RNF125: variants seen among roughly 807,000 people sequenced by gnomAD.
The protein encoded by RNF125 is E3 ubiquitin-protein ligase RNF125.
RNF125 carries 21 observed loss-of-function variants against 26.0 expected under a neutral mutation model. The observed-to-expected ratio is 0.81, with a 90% CI of 0.57 to 1.16. The LOEUF is 1.16. Ranked by LOEUF, RNF125 falls within the 50% of genes most tolerant of loss-of-function variation. The pLI is 0.00. For missense variants in RNF125, 270 were observed against 299.4 expected (o/e 0.90, Z 0.72); for synonymous variants, 95 against 109.2 (o/e 0.87, Z 0.81).
At chr18:32,021,380 G>A (rs1343203767) in intron 1 of RNF125, among the ~76,000 whole-genome samples, 1 of 152,158 alleles carries the variant, frequency 6.6e-6, no homozygotes, top group Non-Finnish European at 1.5e-5. Context: ...GAGCCCGGCC[G>A]TAGCTGTATT....
chr18:32,080,180 C>T, the RNF125 span, among the ~76,000 whole-genome samples: 2 of 152,300 alleles, frequency 1.3e-5, no homozygotes, highest in Non-Finnish European at 2.9e-5. Context: ...AGGCACGCGC[C>T]ACCACGCCCA....
chr18:32,081,958 A>C, the RNF125 span, among the ~76,000 whole-genome samples: 1 of 152,202 alleles, frequency 6.6e-6, no homozygotes, highest in African/African-American at 2.4e-5. Flanking sequence ...TGATGGACTG[A>C]GGTACAGGAG....
intron 1 of RNF125, among the ~76,000 whole-genome samples, chr18:32,033,037 G>A (rs1040605573): frequency 2.6e-5 from 4 of 152,182 alleles, no homozygotes; most frequent in Admixed American, 6.5e-5. Flanking sequence ...GATACACAAT[G>A]TAGAAATTGA....
chr18:32,081,193 GAAAA>G, the RNF125 span, among the ~76,000 whole-genome samples: 1 of 104,392 alleles, frequency 9.6e-6, no homozygotes, highest in East Asian at 2.8e-4. Flanking sequence ...GACTACATCT[GAAAA>G]AAAAAAAAAA....
Position 32,045,730 on chromosome 18 carries a change from G to A in RNF125, c.502G>A (p.Val168Met), listed in dbSNP as rs912780365. Reference protein sequence around the residue: ...ITHHRSERRPVFCPLCRLIPD... With the variant: ...ITHHRSERRPMFCPLCRLIPD... ...TCATCACAGATCGGAACGGAGGCCT[G>A]TGGTAAGGATTTTTGTTACATGTAT... The change falls in exon 4 of 6, where the codon GTG (valine) becomes ATG (methionine). Residue 168 changes from valine (V) to methionine (M), a missense_variant and splice_region_variant. Transcript: ENST00000217740. The A allele has an allele frequency of 3.7e-6, 6 of 1,608,316 alleles. No individual in the cohort carries two copies. The highest frequency in any genetic ancestry group is 5.1e-6 in the Non-Finnish European group (6 of 1,176,092).
chr18:32,084,820 T>A, the RNF125 span, among the ~76,000 whole-genome samples: 1 of 152,184 alleles, frequency 6.6e-6, no homozygotes, highest in East Asian at 1.9e-4. Context: ...GGAAGCTGTA[T>A]AATAATACAT....
chr18:32,055,299 TAA>T (rs201480477), intron 4 of RNF125, among the ~76,000 whole-genome samples: 85,698 of 141,864 alleles, frequency 0.6, 26,212 homozygotes, highest in Non-Finnish European at 0.71. Context: ...ACCATGTCTC[TAA>T]AAAAAAAAAA....
intron 4 of RNF125, among the ~76,000 whole-genome samples, chr18:32,065,646 C>T (rs892728116): frequency 6.6e-6 from 1 of 152,136 alleles, no homozygotes; most frequent in Admixed American, 6.6e-5. Context: ...AATTCTCCTG[C>T]CTCAGTCTCC....
intron 4 of RNF125, among the ~76,000 whole-genome samples, chr18:32,063,563 A>G (rs1403767868): frequency 6.6e-6 from 1 of 152,174 alleles, no homozygotes; most frequent in Admixed American, 6.5e-5. Context: ...AGGCAATCAC[A>G]CTCCTGAAAA....
intron 5 of RNF125, 38 bp downstream of exon 5, chr18:32,066,047 G>A (rs1289135735): frequency 2.3e-6 from 3 of 1,329,222 alleles, no homozygotes; most frequent in Non-Finnish European, 2.2e-6. Flanking sequence ...ATGTTTTCAT[G>A]CTGTCTTGTT....
At chr18:32,029,813 G>A (rs1042587194) in intron 1 of RNF125, among the ~76,000 whole-genome samples, 1 of 152,140 alleles carries the variant, frequency 6.6e-6, no homozygotes, top group African/African-American at 2.4e-5. Flanking sequence ...ATGTACAGCA[G>A]TCTGATAGGC....
intron 3 of RNF125, among the ~76,000 whole-genome samples, chr18:32,044,988 T>C (rs890477): frequency 0.014 from 2,074 of 151,900 alleles, 134 homozygotes; most frequent in Admixed American, 0.089. Context: ...CATGGTGGCA[T>C]GTGCCTGTGG....
At chr18:32,024,472 A>G (rs566272959) in intron 1 of RNF125, among the ~76,000 whole-genome samples, 1 of 151,922 alleles carries the variant, frequency 6.6e-6, no homozygotes, top group East Asian at 1.9e-4. Context: ...GTTTTTAGAG[A>G]TATGATCTAA....
Position 32,045,738 on chromosome 18 carries a change from G to T in RNF125, c.504+6G>T. 1 of 1,596,680 alleles carries T rather than the reference G, an allele frequency of 6.3e-7. No individual in the cohort carries two copies. The highest frequency in any genetic ancestry group is 1.1e-5 in the South Asian group (1 of 90,062). ...GATCGGAACGGAGGCCTGTGGTAAG[G>T]ATTTTTGTTACATGTATTACAGCAA... is the stretch of plus-strand genomic sequence containing the variant. On this transcript the variant is annotated splice_donor_region_variant and intron_variant, in intron 4 of 5. Coordinates refer to ENST00000217740, the MANE Select transcript of RNF125 (RefSeq NM_017831.4).
chr18:32,037,609 T>C (rs2039171801), intron 2 of RNF125, among the ~76,000 whole-genome samples: 1 of 151,972 alleles, frequency 6.6e-6, no homozygotes, highest in African/African-American at 2.4e-5. Context: ...CCTGACCTCA[T>C]TACCCGCCTG....
At chr18:32,079,463 A>G in the RNF125 span, among the ~76,000 whole-genome samples, 1 of 152,206 alleles carries the variant, frequency 6.6e-6, no homozygotes, top group African/African-American at 2.4e-5. Context: ...GGATGAGACT[A>G]TTCATGTTAG....
Position 32,068,424 on chromosome 18 carries a change from CCATTTAAGATGCTGCTTGAA to C in RNF125, c.*43_*62del. 8.8e-7 allele frequency: 1 copy of C among 1,138,612 alleles called. No homozygotes were observed. The highest frequency in any genetic ancestry group is 1.3e-6 in the Non-Finnish European group (1 of 750,212). The allele number at this position is 1,138,612 out of a possible 1,614,324, so 70.5% of individuals were successfully genotyped here. A position where few individuals can be genotyped will look rare whatever the true frequency, so the allele number is the denominator to read the frequency against. ...AGGGAAAAGGGACCACTGAATTGCA[CCATTTAAGATGCTGCTTGAA>C]CAAATGGGAGGGAAGTTGTCAATGA... On this transcript the variant is annotated 3_prime_UTR_variant, in exon 6 of 6. Coordinates refer to ENST00000217740, the MANE Select transcript of RNF125 (RefSeq NM_017831.4).
At chr18:32,088,286 G>A in the RNF125 span, among the ~76,000 whole-genome samples, 2 of 152,154 alleles carry the variant, frequency 1.3e-5, no homozygotes, top group African/African-American at 4.8e-5. Flanking sequence ...ATACCAAAGG[G>A]TAGAGAGTGA....
intron 1 of RNF125, among the ~76,000 whole-genome samples, chr18:32,025,711 G>A (rs2039028089): frequency 1.3e-5 from 2 of 151,034 alleles, no homozygotes; most frequent in African/African-American, 4.9e-5. Flanking sequence ...CCCCCAAAGA[G>A]GGGCGATTGG....
Sources: allele counts gnomAD v4.1 joint callset (sites outside exome capture counted in the v4.1 genomes callset), GRCh38; gene constraint gnomAD v4.1.1; transcripts MANE v1.5; gene names NCBI Gene and HGNC (gene_info 2026-07-23, HGNC 2026-07-21).